Variants in TMC7 observed in about 807,000 individuals in gnomAD.
TMC7 encodes transmembrane channel-like protein 7.
TMC7 carries 54 observed loss-of-function variants against 82.9 expected under a neutral mutation model. That is an observed-to-expected ratio of 0.65 (90% confidence interval 0.52 to 0.82). The LOEUF (loss-of-function observed/expected upper bound fraction) is 0.82, where lower values mean the gene tolerates loss of function less well. TMC7 is among the 40% of genes least tolerant of loss of function. The pLI is 0.00. For synonymous variants in TMC7, 350 were observed against 337.9 expected (o/e 1.04, Z -0.39); for missense variants, 820 against 901.2 (o/e 0.91, Z 1.15).
At position 18,996,437 on chromosome 16, in the gene TMC7, GC is replaced by G. The variant is rs111726047; in HGVS notation, c.67+12310del. ...AATTATCTAGATCTTGTAGGAATTTGCCCATTTTTCGACAAAAACTATCTAG... is the reference window on the plus strand; with the variant it reads ...AATTATCTAGATCTTGTAGGAATTTGCCATTTTTCGACAAAAACTATCTAG... On this transcript the variant is annotated intron_variant, in intron 1 of 15. Coordinates refer to ENST00000304381, the MANE Select transcript of TMC7 (RefSeq NM_024847.4). Among the ~76,000 whole-genome samples the G allele has an allele frequency of 5.3e-3, 800 of 152,260 alleles. 12 individuals carry two copies. The highest frequency in any genetic ancestry group is 0.018 in the African/African-American group (748 of 41,560).
chr16:19,040,115 C>CAAAAAA, intron 8 of TMC7, among the ~76,000 whole-genome samples, 174 bp from the exon 9 acceptor site: 2 of 67,104 alleles, frequency 3.0e-5, no homozygotes, highest in Non-Finnish European at 5.1e-5. Flanking sequence ...GACTCCATCT[C>CAAAAAA]AAAAAAAAAA....
At chr16:19,004,565 A>C (rs996258943) in intron 1 of TMC7, among the ~76,000 whole-genome samples, 5 of 152,222 alleles carry the variant, frequency 3.3e-5, no homozygotes, top group Admixed American at 6.5e-5. Context: ...GGGTTTCACC[A>C]TGTTGGCCAG....
chr16:19,045,205 GAGTTTGC>G, intron 10 of TMC7, 129 bp from the exon 11 acceptor site: 1 of 851,484 alleles, frequency 1.2e-6, no homozygotes, highest in Non-Finnish European at 2.0e-6. Context: ...CTGAGGCTCA[GAGTTTGC>G]ATCAGCTGAT....
At position 19,014,734 on chromosome 16, in the gene TMC7, T is replaced by C. The variant is rs181358796; in HGVS notation, c.312-1716T>C. Among the ~76,000 whole-genome samples, 1,448 of 152,298 alleles carry C rather than the reference T, an allele frequency of 9.5e-3. 33 individuals carry two copies. Among genetic ancestry groups the C allele is most frequent in the African/African-American group, 0.033 (1,364 of 41,564 alleles). On this transcript the variant is annotated intron_variant, in intron 2 of 15. Transcript: ENST00000304381. ...CACTTCCCCCAGGGAGCTGTCGTTG[T>C]TGGACGTCAGCCTGTTTGCCTTCCC...
intron 10 of TMC7, 102 bp from the exon 11 acceptor site, chr16:19,045,239 C>T: frequency 3.0e-6 from 3 of 1,007,760 alleles, no homozygotes; most frequent in Non-Finnish European, 3.1e-6. Flanking sequence ...ACTGGAGCCA[C>T]AGGATCTGGA....
intron 5 of TMC7, among the ~76,000 whole-genome samples, chr16:19,024,156 C>A (rs552961986): frequency 1.3e-5 from 2 of 152,236 alleles, no homozygotes; most frequent in South Asian, 2.1e-4. Flanking sequence ...TTTGGCCAGG[C>A]GCAGTGGCTC....
chr16:19,009,416 G>A lies in TMC7; in HGVS notation c.311+1G>A, dbSNP rs145110118. 6.2e-7 allele frequency: 1 copy of A among 1,609,844 alleles called. No individual in the cohort carries two copies. Among genetic ancestry groups the A allele is most frequent in the Admixed American group, 1.7e-5 (1 of 59,806 alleles). ...ACATCTCTGAGAAGCGGAGACTAAG[G>A]TTTGTTCACTAGCCACCTGGAACCT... On this transcript the variant is annotated splice_donor_variant, in intron 2 of 15. Transcript: ENST00000304381. LOFTEE classifies it high-confidence loss of function.
intron 1 of TMC7, among the ~76,000 whole-genome samples, chr16:18,997,392 CAG>C (rs2039061611): frequency 6.6e-6 from 1 of 151,966 alleles, no homozygotes; most frequent in African/African-American, 2.4e-5. Flanking sequence ...TTTTTTGAGA[CAG>C]GGTCTCACTC....
rs11351746 is a variant in TMC7, at chr16:18,989,052, C to CA, written c.67+4938dup. ...TGGGCAACAGAGTGAGACTCTGTCT[C>CA]AAAAAAAAAAAAAAAAGGAATTTAC... is the stretch of plus-strand genomic sequence containing the variant. On this transcript the variant is annotated intron_variant, in intron 1 of 15. Transcript: ENST00000304381. Among the ~76,000 whole-genome samples the CA allele has an allele frequency of 1.6e-3, 181 of 110,882 alleles. 1 individual carries two copies. The highest frequency in any genetic ancestry group is 8.1e-3 in the East Asian group (24 of 2,958). The allele number at this position is 110,882 out of a possible 152,430, so 72.7% of individuals were successfully genotyped here. A position where few individuals can be genotyped will look rare whatever the true frequency, so the allele number is the denominator to read the frequency against.
At chr16:19,002,797 G>A (rs1030170053) in intron 1 of TMC7, among the ~76,000 whole-genome samples, 1 of 152,176 alleles carries the variant, frequency 6.6e-6, no homozygotes, top group Non-Finnish European at 1.5e-5. Context: ...CTGTGCAGAT[G>A]GTCAACAGCA....
intron 1 of TMC7, among the ~76,000 whole-genome samples, chr16:18,984,907 C>T (rs935657862): frequency 1.3e-5 from 2 of 152,218 alleles, no homozygotes; most frequent in Admixed American, 1.3e-4. Context: ...CAAGACCCTG[C>T]TGTAAAGTTT....
chr16:19,025,041 A>G (rs1419395977), intron 5 of TMC7, among the ~76,000 whole-genome samples: 3 of 152,034 alleles, frequency 2.0e-5, no homozygotes, highest in African/African-American at 4.8e-5. Context: ...TACTGGGGGA[A>G]CAGGCATGAG....
intron 4 of TMC7, among the ~76,000 whole-genome samples, chr16:19,022,652 C>CCT (rs1315977972): frequency 6.6e-5 from 10 of 152,296 alleles, no homozygotes; most frequent in Middle Eastern, 3.4e-3. Flanking sequence ...GACGAAATTG[C>CCT]CTAAGGACAT....
chr16:19,015,546 T>C (rs1368824512), intron 2 of TMC7, among the ~76,000 whole-genome samples: 1 of 152,026 alleles, frequency 6.6e-6, no homozygotes, highest in Non-Finnish European at 1.5e-5. Flanking sequence ...TTAGCAACAA[T>C]GCTGCTACGA....
At position 19,051,733 on chromosome 16, in the gene TMC7, A is replaced by C; in HGVS notation, c.1788A>C (p.Ala596=). 6.2e-7 allele frequency: 1 copy of C among 1,614,044 alleles called. No individual in the cohort carries two copies. Among genetic ancestry groups the C allele is most frequent in the South Asian group, 1.1e-5 (1 of 91,078 alleles). Residue 596 remains alanine (A), a synonymous_variant, in exon 13 of 16, where the codon GCA becomes GCC. Coordinates refer to ENST00000304381, the MANE Select transcript of TMC7 (RefSeq NM_024847.4). ...GACCCTCCCCCAGGCCGTTCAGAGC[A>C]TCCAATTCTAATTTCTTCTTCCTGT... is the stretch of plus-strand genomic sequence containing the variant. ...TCRPSPRPFR[A]SNSNFFFLLV...
At chr16:19,039,096 T>C (rs1596777269) in intron 8 of TMC7, among the ~76,000 whole-genome samples, 2 of 147,548 alleles carry the variant, frequency 1.4e-5, no homozygotes, top group South Asian at 2.2e-4. Flanking sequence ...TTTTTTCTTT[T>C]TTTTTTTTTT....
At chr16:19,045,591 C>CTTTTT (rs58444252) in intron 11 of TMC7, among the ~76,000 whole-genome samples, 153 bp downstream of exon 11, 1 of 77,766 alleles carries the variant, frequency 1.3e-5, no homozygotes. Context: ...TGGTAACTTT[C>CTTTTT]TTTTTTTTTT....
At chr16:19,003,418 C>A (rs1480016959) in intron 1 of TMC7, among the ~76,000 whole-genome samples, 1 of 148,954 alleles carries the variant, frequency 6.7e-6, no homozygotes, top group Non-Finnish European at 1.5e-5. Flanking sequence ...GGGGGGTCAG[C>A]CCCCCTGCCC....
chr16:18,989,709 G>T (rs2038915313), intron 1 of TMC7, among the ~76,000 whole-genome samples: 1 of 151,384 alleles, frequency 6.6e-6, no homozygotes, highest in Non-Finnish European at 1.5e-5. Flanking sequence ...GGGACAAATA[G>T]GATTACTGGA....
Sources: gnomAD v4.1 joint callset for allele counts (sites outside exome capture counted in the v4.1 genomes callset) on GRCh38, gnomAD v4.1.1 for gene constraint, MANE v1.5 for transcripts, NCBI Gene and HGNC (gene_info 2026-07-23, HGNC 2026-07-21) for gene names.